The following VWC2L variants were observed in gnomAD, a reference collection of about 807,000 sequenced individuals.
VWC2L encodes the protein von Willebrand factor C domain-containing protein 2-like.
VWC2L carries 10 observed loss-of-function variants against 21.6 expected under a neutral mutation model. The ratio of observed to expected loss-of-function variants is 0.46; its 90% CI spans 0.29 to 0.78. VWC2L has a LOEUF of 0.78. VWC2L is among the 30% of genes least tolerant of loss of function. The pLI, the probability that VWC2L is intolerant of heterozygous loss-of-function variation, is 0.10. For missense variants in VWC2L, 209 were observed against 277.1 expected (o/e 0.75, Z 1.74); for synonymous variants, 96 against 94.3 (o/e 1.02, Z -0.10).
At chr2:214,515,634 AC>A (rs1277727769) in intron 3 of VWC2L, among the ~76,000 whole-genome samples, 2 of 151,938 alleles carry the variant, frequency 1.3e-5, no homozygotes, top group Non-Finnish European at 2.9e-5. Flanking sequence ...GCTCACTGCA[AC>A]CCCCGCCTCC....
At chr2:214,473,773 A>AT (rs1159292342) in intron 3 of VWC2L, 3 of 83,344 alleles carry the variant, frequency 3.6e-5, no homozygotes, top group African/African-American at 1.1e-4. Context: ...CAACTTCCTG[A>AT]TTTAAAAAAA....
intron 3 of VWC2L, among the ~76,000 whole-genome samples, chr2:214,467,302 C>T (rs1166288474): frequency 6.6e-6 from 1 of 152,206 alleles, no homozygotes; most frequent in Non-Finnish European, 1.5e-5. Context: ...CAATACTCAG[C>T]TGAATACTTG....
chr2:214,503,791 G>C (rs1688928992), intron 3 of VWC2L, among the ~76,000 whole-genome samples: 1 of 151,448 alleles, frequency 6.6e-6, no homozygotes. Context: ...TTGAGAGATG[G>C]GACAAGTAAG....
intron 3 of VWC2L, among the ~76,000 whole-genome samples, chr2:214,448,758 C>A (rs75706826): frequency 0.011 from 1,657 of 152,216 alleles, 35 homozygotes; most frequent in African/African-American, 0.037. Context: ...TGCAAAACAC[C>A]TGAAACATAC....
intron 3 of VWC2L, among the ~76,000 whole-genome samples, chr2:214,544,553 T>C (rs11678130): frequency 0.078 from 11,867 of 152,134 alleles, 507 homozygotes; most frequent in Middle Eastern, 0.16. Context: ...CTCCCTGATA[T>C]AGGATGCCAT....
At chr2:214,565,264 A>G (rs903513402) in intron 3 of VWC2L, among the ~76,000 whole-genome samples, 1 of 152,220 alleles carries the variant, frequency 6.6e-6, no homozygotes, top group African/African-American at 2.4e-5. Context: ...TGAAAGATAG[A>G]TATTTAGATA....
At chr2:214,458,579 AC>A (rs1474984258) in intron 3 of VWC2L, among the ~76,000 whole-genome samples, 2 of 151,280 alleles carry the variant, frequency 1.3e-5, no homozygotes, top group Non-Finnish European at 3.0e-5. Flanking sequence ...GCTATAAATG[AC>A]CCTCTTAGCA....
intron 3 of VWC2L, among the ~76,000 whole-genome samples, chr2:214,506,512 A>T (rs1559311568): frequency 6.6e-6 from 1 of 152,184 alleles, no homozygotes; most frequent in African/African-American, 2.4e-5. Flanking sequence ...TACAAATTGT[A>T]TCTTTCTGCA....
chr2:214,560,645 AT>A (rs879920858), intron 3 of VWC2L, among the ~76,000 whole-genome samples: 1 of 152,130 alleles, frequency 6.6e-6, no homozygotes, highest in South Asian at 2.1e-4. Flanking sequence ...GAGTAACACT[AT>A]TTTTTTAACC....
chr2:214,457,575 G>GA (rs1302525668), intron 3 of VWC2L, among the ~76,000 whole-genome samples: 1 of 151,812 alleles, frequency 6.6e-6, no homozygotes, highest in African/African-American at 2.4e-5. Context: ...CCAGTTTTTA[G>GA]AAAAAAAGAC....
intron 1 of VWC2L, among the ~76,000 whole-genome samples, chr2:214,412,133 A>G (rs1404074281): frequency 2.6e-5 from 4 of 152,098 alleles, no homozygotes. Context: ...AAACATATTT[A>G]ATGTTTATAT....
intron 3 of VWC2L, among the ~76,000 whole-genome samples, chr2:214,560,721 T>C (rs1268153051): frequency 6.6e-6 from 1 of 152,156 alleles, no homozygotes; most frequent in Non-Finnish European, 1.5e-5. Flanking sequence ...TGTTTTTCAG[T>C]AAGTGAGGTC....
intron 2 of VWC2L, among the ~76,000 whole-genome samples, chr2:214,433,027 GA>G (rs34913555): frequency 0.047 from 5,024 of 106,798 alleles, 269 homozygotes; most frequent in African/African-American, 0.15. Flanking sequence ...ATCTCAAGAA[GA>G]AAAAAAAAAA....
At chr2:214,424,395 C>T (rs13414617) in intron 2 of VWC2L, among the ~76,000 whole-genome samples, 274 of 152,162 alleles carry the variant, frequency 1.8e-3, no homozygotes, top group African/African-American at 6.3e-3. Context: ...AGAGTTAGTA[C>T]GTATAGTTCA....
At chr2:214,416,189 T>TA (rs951678317) in intron 2 of VWC2L, among the ~76,000 whole-genome samples, 2 of 152,104 alleles carry the variant, frequency 1.3e-5, no homozygotes, top group African/African-American at 4.8e-5. Flanking sequence ...AATCTGTATT[T>TA]AATAAAGAAA....
At chr2:214,422,822 GA>G (rs1702462833) in intron 2 of VWC2L, among the ~76,000 whole-genome samples, 1 of 152,110 alleles carries the variant, frequency 6.6e-6, no homozygotes, top group Admixed American at 6.5e-5. Context: ...TTCAGCTCCT[GA>G]AAAAGTTTTC....
chr2:214,484,927 C>G (rs1426433345), intron 3 of VWC2L, among the ~76,000 whole-genome samples: 2 of 152,112 alleles, frequency 1.3e-5, no homozygotes, highest in Non-Finnish European at 2.9e-5. Context: ...ATTTCCAGAG[C>G]ATGGAAATGT....
At chr2:214,556,215 G>C (rs1217271397) in intron 3 of VWC2L, among the ~76,000 whole-genome samples, 1 of 152,188 alleles carries the variant, frequency 6.6e-6, no homozygotes, top group Non-Finnish European at 1.5e-5. Context: ...AACCGAGACT[G>C]TGCCACTGCC....
intron 2 of VWC2L, among the ~76,000 whole-genome samples, chr2:214,428,478 G>T (rs556683390): frequency 6.6e-6 from 1 of 152,182 alleles, no homozygotes; most frequent in South Asian, 2.1e-4. Context: ...TTGTCCCAAA[G>T]TTATACACTA....
Sources: allele counts gnomAD v4.1 joint callset (sites outside exome capture counted in the v4.1 genomes callset), GRCh38; gene constraint gnomAD v4.1.1; transcripts MANE v1.5; gene names NCBI Gene and HGNC (gene_info 2026-07-23, HGNC 2026-07-21).